The following XRN1 variants were observed in gnomAD, a reference collection of about 807,000 sequenced individuals.
The protein encoded by XRN1 is 5'-3' exoribonuclease 1.
A neutral mutation model predicts 222.3 loss-of-function variants in XRN1; 67 were observed. That is an observed-to-expected ratio of 0.30 (90% CI 0.25 to 0.37). XRN1 has a LOEUF of 0.37. XRN1 is among the 10% of genes least tolerant of loss of function. The pLI is 1.00. For missense variants in XRN1, 1,707 were observed against 2,000.2 expected, an observed-to-expected ratio of 0.85 and a Z score of 2.80; for synonymous variants, 643 against 652.4, an observed-to-expected ratio of 0.99 and a Z score of 0.22.
chr3:142,311,801 T>C lies in XRN1; in HGVS notation c.4795A>G (p.Arg1599Gly). The change falls in exon 41 of 41, where the codon AGG becomes GGG. Residue 1599 changes from arginine (R) to glycine (G), a missense_variant. Physicochemically the swap from Arg to Gly is moderately radical, Grantham distance 125. Coordinates refer to ENST00000392981, the MANE Select transcript of XRN1 (RefSeq NM_001282857.2). ...TCAAAGTTCTTTTTGTTTGCAACCC[T>C]TTTTTTAGTAACCTGTTAGGAATAA... ...QFIPLQVTKK[R>G]VANKKNFENK... 6.3e-7 allele frequency: 1 copy of C among 1,582,434 alleles called. No individual in the cohort carries two copies. Among genetic ancestry groups the C allele is most frequent in the Non-Finnish European group, 8.6e-7 (1 of 1,165,892 alleles).
intron 29 of XRN1, among the ~76,000 whole-genome samples, chr3:142,363,989 C>G (rs1482037988): frequency 6.6e-6 from 1 of 152,096 alleles, no homozygotes; most frequent in East Asian, 1.9e-4. Context: ...AGAGGATCTA[C>G]AAATGGAAAA....
rs896180886 is a variant in XRN1, at chr3:142,306,665, T to C, written c.*4846A>G. 2.0e-5 allele frequency: 3 copies of C among 152,498 alleles called. No homozygotes were observed. The highest frequency in any genetic ancestry group is 1.3e-4 in the Admixed American group (2 of 15,288). The allele number at this position is 152,498 out of a possible 1,614,324, so 9.4% of individuals were successfully genotyped here. On this transcript the variant is annotated 3_prime_UTR_variant, in exon 41 of 41. Coordinates refer to ENST00000392981, the MANE Select transcript of XRN1 (RefSeq NM_001282857.2). ...CCATAGAGCATTTAACATGAACAGATGTTTAAACTCTTTCAGTGACTCTCA... is the reference window on the plus strand; with the variant it reads ...CCATAGAGCATTTAACATGAACAGACGTTTAAACTCTTTCAGTGACTCTCA...
intron 22 of XRN1, among the ~76,000 whole-genome samples, chr3:142,382,995 A>C (rs2067356711): frequency 6.6e-6 from 1 of 151,908 alleles, no homozygotes; most frequent in African/African-American, 2.4e-5. Flanking sequence ...TACATGTCTA[A>C]AATAGTTACA....
At chr3:142,383,515 T>A in intron 21 of XRN1, 102 bp from the exon 22 acceptor site, 1 of 985,752 alleles carries the variant, frequency 1.0e-6, no homozygotes, top group Non-Finnish European at 1.5e-6. Context: ...CAAATGTCAA[T>A]GTGAAGATTT....
chr3:142,376,286 A>T, intron 24 of XRN1, 193 bp downstream of exon 24: 1 of 674,034 alleles, frequency 1.5e-6, no homozygotes, highest in East Asian at 2.9e-5. Context: ...CTGCTAAAAA[A>T]TAAGAACTGT....
intron 14 of XRN1, among the ~76,000 whole-genome samples, chr3:142,413,596 C>A (rs1010017788): frequency 6.6e-6 from 1 of 152,164 alleles, no homozygotes; most frequent in Non-Finnish European, 1.5e-5. Context: ...GTAGGCTTAG[C>A]GTAATTTTGG....
In XRN1 at chr3:142,447,413, A is replaced by C. The variant is rs2070561024; in HGVS notation, c.75+457T>G. 6.6e-6 allele frequency among the ~76,000 whole-genome samples: 1 copy of C among 152,156 alleles called. No homozygotes were observed. The highest frequency in any genetic ancestry group is 2.4e-5 in the African/African-American group (1 of 41,448). On this transcript the variant is annotated intron_variant, in intron 1 of 40. Coordinates refer to ENST00000392981, the MANE Select transcript of XRN1 (RefSeq NM_001282857.2). The surrounding 1 kb of genome is among the most constrained non-coding windows in gnomAD (Gnocchi z 4.2). ...GGGTGGGCCGCGCTCTAGATCAGGGAAAGTAAACAAGGTGACTGCGTGCGG... is the reference window on the plus strand; with the variant it reads ...GGGTGGGCCGCGCTCTAGATCAGGGCAAGTAAACAAGGTGACTGCGTGCGG...
At chr3:142,342,219 A>G (rs2066014432) in intron 33 of XRN1, among the ~76,000 whole-genome samples, 3 of 152,216 alleles carry the variant, frequency 2.0e-5, no homozygotes. Context: ...TACAGATAAA[A>G]CTAATTACCT....
At position 142,404,443 on chromosome 3, in the gene XRN1, G is replaced by T. The variant is rs558872609; in HGVS notation, c.1884-454C>A. ...ATTATTTGCAGGGAAGGTGAGAGAA[G>T]AGAAAAAAAAGGAAGATATTTTCAT... On this transcript the variant is annotated intron_variant, in intron 16 of 40. Coordinates refer to ENST00000392981, the MANE Select transcript of XRN1 (RefSeq NM_001282857.2). Among the ~76,000 whole-genome samples, 30 of 93,394 alleles carry T rather than the reference G, an allele frequency of 3.2e-4. No homozygotes were observed. In the South Asian group the frequency reaches 6.9e-3, roughly 22 times the overall value. The allele number at this position is 93,394 out of a possible 152,430, so 61.3% of individuals were successfully genotyped here. A position where few individuals can be genotyped will look rare whatever the true frequency, so the allele number is the denominator to read the frequency against.
Position 142,421,526 on chromosome 3 carries a change from C to T in XRN1, c.985G>A (p.Gly329Arg). 1 of 1,609,166 alleles carries T rather than the reference C, an allele frequency of 6.2e-7. No individual in the cohort carries two copies. The highest frequency in any genetic ancestry group is 8.5e-7 in the Non-Finnish European group (1 of 1,177,910). Residue 329 changes from glycine (G) to arginine (R), a missense_variant, in exon 9 of 41, where the codon GGG becomes AGG. Coordinates refer to ENST00000392981, the MANE Select transcript of XRN1 (RefSeq NM_001282857.2). ...TCAAATCGAGGTAAGTTGAGGTGCC[C>T]ACTTTCATTAATATAACCTAAAAGA... ...PELGGYINESGHLNLPRFEKY... is the reference protein window; with the variant it reads ...PELGGYINESRHLNLPRFEKY...
chr3:142,312,207 G>T (rs921976371), intron 40 of XRN1, among the ~76,000 whole-genome samples: 4 of 152,096 alleles, frequency 2.6e-5, no homozygotes, highest in Admixed American at 2.0e-4. Context: ...AGCCCAGGAA[G>T]TCAAGGCTGC....
intron 15 of XRN1, among the ~76,000 whole-genome samples, chr3:142,411,822 A>ATT (rs1291888583): frequency 1.9e-4 from 26 of 138,550 alleles, no homozygotes; most frequent in South Asian, 4.6e-4. Context: ...CTTACTGAAA[A>ATT]TTTTTTTTTT....
intron 22 of XRN1, 133 bp from the exon 23 acceptor site, chr3:142,380,313 G>T: frequency 1.4e-6 from 1 of 703,244 alleles, no homozygotes; most frequent in Non-Finnish European, 2.3e-6. Flanking sequence ...TTGTTAAGTG[G>T]GTATGAAAAT....
intron 33 of XRN1, among the ~76,000 whole-genome samples, chr3:142,342,789 A>G (rs1411721939): frequency 6.6e-6 from 1 of 152,226 alleles, no homozygotes; most frequent in East Asian, 1.9e-4. Flanking sequence ...AAAATGGATT[A>G]AAGACTTAAG....
chr3:142,379,590 C>T (rs1387974727), intron 23 of XRN1, among the ~76,000 whole-genome samples: 2 of 152,112 alleles, frequency 1.3e-5, no homozygotes, highest in African/African-American at 4.8e-5. Context: ...GAGAAAAGAA[C>T]GCCAGTGGAA....
chr3:142,361,208 T>C (rs971373662), intron 29 of XRN1, among the ~76,000 whole-genome samples: 116 of 152,250 alleles, frequency 7.6e-4, no homozygotes, highest in African/African-American at 2.6e-3. Flanking sequence ...GTTGTGTCTA[T>C]CAGTAGTTGT....
chr3:142,446,671 G>C (rs2070517162), intron 1 of XRN1, among the ~76,000 whole-genome samples: 1 of 152,202 alleles, frequency 6.6e-6, no homozygotes, highest in Non-Finnish European at 1.5e-5. Flanking sequence ...AAGGATGCAA[G>C]AAAAGCCAAA....
rs780475705 is a variant in XRN1 at position 142,370,627 on chromosome 3, C to A, written c.3069-7G>T. The A allele has an allele frequency of 1.3e-5, 21 of 1,556,990 alleles. No homozygotes were observed. Among genetic ancestry groups the A allele is most frequent in the Non-Finnish European group, 1.8e-5 (21 of 1,159,312 alleles). On this transcript the variant is annotated splice_region_variant and splice_polypyrimidine_tract_variant and intron_variant, in intron 26 of 40. Transcript: ENST00000392981. Reference sequence around the variant, plus strand: ...TTCTTGAACTTTTTCAGCACTAAAGCAAAAACAATAATTTTTAAAATTTGA... The same window carrying A: ...TTCTTGAACTTTTTCAGCACTAAAGAAAAAACAATAATTTTTAAAATTTGA...
chr3:142,339,336 C>T (rs1228278408), intron 33 of XRN1, among the ~76,000 whole-genome samples: 1 of 152,172 alleles, frequency 6.6e-6, no homozygotes, highest in East Asian at 1.9e-4. Flanking sequence ...ACCAAGATGG[C>T]ACCTCTGATC....
Sources: gnomAD v4.1 joint callset for allele counts (sites outside exome capture counted in the v4.1 genomes callset) on GRCh38, gnomAD v4.1.1 for gene constraint, Gnocchi (gnomAD v3.1) non-coding constraint, MANE v1.5 for transcripts, NCBI Gene and HGNC (gene_info 2026-07-23, HGNC 2026-07-21) for gene names.